Variants in COG5 observed in about 807,000 individuals in gnomAD.
COG5 encodes component of oligomeric golgi complex 5.
A neutral mutation model predicts 110.4 loss-of-function variants in COG5; 86 were observed. The ratio of observed to expected loss-of-function variants is 0.78; its 90% CI spans 0.65 to 0.93. The LOEUF (loss-of-function observed/expected upper bound fraction) is 0.93, where lower values mean the gene tolerates loss of function less well. Ranked by LOEUF, COG5 falls within the 40% of genes least tolerant of loss-of-function variation. The pLI, the probability that COG5 is intolerant of heterozygous loss-of-function variation, is 0.00. For missense variants in COG5, 1,077 were observed against 987.0 expected, an observed-to-expected ratio of 1.09 and a Z score of -1.22; for synonymous variants, 360 against 334.6, an observed-to-expected ratio of 1.08 and a Z score of -0.83.
chr7:107,416,432 CAT>C lies in COG5; in HGVS notation c.539-3802_539-3801del, dbSNP rs376313688. 2.8e-4 allele frequency among the ~76,000 whole-genome samples: 42 copies of C among 151,998 alleles called. No individual in the cohort carries two copies. In the East Asian group the frequency reaches 6.8e-3, roughly 25 times the overall value. ...GCAACAGGTAATTCATACTGAGAAA[CAT>C]AAGACTAAATGATATATTATTTGGG... On this transcript the variant is annotated intron_variant, in intron 6 of 21. Coordinates refer to ENST00000297135, the MANE Select transcript of COG5 (RefSeq NM_006348.5).
intron 7 of COG5, among the ~76,000 whole-genome samples, chr7:107,396,829 G>A (rs1791051592): frequency 6.6e-6 from 1 of 151,978 alleles, no homozygotes; most frequent in African/African-American, 2.4e-5. Context: ...ATATTAAAAG[G>A]AAACTATTGA....
At chr7:107,561,383 C>A (rs150302961) in intron 1 of COG5, among the ~76,000 whole-genome samples, 1 of 152,160 alleles carries the variant, frequency 6.6e-6, no homozygotes, top group Non-Finnish European at 1.5e-5. Context: ...ACAGAGACCG[C>A]TTAATTCAGA....
chr7:107,205,847 G>C (rs1333185319), intron 21 of COG5, among the ~76,000 whole-genome samples: 2 of 151,890 alleles, frequency 1.3e-5, no homozygotes, highest in Non-Finnish European at 2.9e-5. Context: ...AGTAGGATCC[G>C]GCACTTTGGA....
At chr7:107,373,678 G>T (rs1049565725) in intron 7 of COG5, among the ~76,000 whole-genome samples, 1 of 152,104 alleles carries the variant, frequency 6.6e-6, no homozygotes, top group Non-Finnish European at 1.5e-5. Context: ...TGTCCAGAGT[G>T]ATATAAATGG....
intron 13 of COG5, among the ~76,000 whole-genome samples, chr7:107,282,107 T>C (rs1035835388): frequency 1.3e-5 from 2 of 152,074 alleles, no homozygotes; most frequent in South Asian, 2.1e-4. Flanking sequence ...AAGAAAATTA[T>C]TGTCCCTAAA....
At chr7:107,259,604 G>A (rs568053408) in intron 14 of COG5, among the ~76,000 whole-genome samples, 7 of 152,148 alleles carry the variant, frequency 4.6e-5, no homozygotes, top group African/African-American at 1.7e-4. Context: ...GGGGTCAAAT[G>A]CTAAACATAC....
At chr7:107,465,160 CAT>C (rs903448015) in intron 6 of COG5, among the ~76,000 whole-genome samples, 1 of 152,098 alleles carries the variant, frequency 6.6e-6, no homozygotes, top group Non-Finnish European at 1.5e-5. Flanking sequence ...GTAAGTCTCA[CAT>C]GTTTCAGGAA....
chr7:107,417,854 A>G (rs902596761), intron 6 of COG5, among the ~76,000 whole-genome samples: 19 of 152,016 alleles, frequency 1.2e-4, no homozygotes, highest in African/African-American at 4.3e-4. Flanking sequence ...TTTTGTCTTA[A>G]ATCCCTTTGT....
intron 16 of COG5, among the ~76,000 whole-genome samples, chr7:107,252,334 C>CA (rs1312191371): frequency 6.6e-6 from 1 of 152,088 alleles, no homozygotes. Context: ...CACAAAGTAT[C>CA]AAAGCTCATT....
intron 6 of COG5, among the ~76,000 whole-genome samples, chr7:107,479,616 A>C (rs1195368956): frequency 6.6e-6 from 1 of 152,146 alleles, no homozygotes; most frequent in Non-Finnish European, 1.5e-5. Flanking sequence ...CATAAGGAAG[A>C]CCATAAGAAA....
At chr7:107,306,125 C>T (rs963796771) in intron 11 of COG5, among the ~76,000 whole-genome samples, 39 of 152,064 alleles carry the variant, frequency 2.6e-4, no homozygotes, top group East Asian at 1.2e-3. Context: ...TACTTATATA[C>T]TGTAAAGTAT....
At chr7:107,413,081 A>T (rs1792429029) in intron 6 of COG5, among the ~76,000 whole-genome samples, 1 of 152,006 alleles carries the variant, frequency 6.6e-6, no homozygotes, top group African/African-American at 2.4e-5. Flanking sequence ...CACACATGTG[A>T]TTATAGTTCA....
At chr7:107,466,133 A>G (rs1039305374) in intron 6 of COG5, among the ~76,000 whole-genome samples, 7 of 152,168 alleles carry the variant, frequency 4.6e-5, no homozygotes, top group Non-Finnish European at 8.8e-5. Context: ...TGATGAAAAT[A>G]TAAGAGAAAA....
intron 10 of COG5, among the ~76,000 whole-genome samples, chr7:107,343,098 T>C (rs911156866): frequency 2.0e-5 from 3 of 152,170 alleles, no homozygotes; most frequent in African/African-American, 7.2e-5. Context: ...GCCATTATCC[T>C]AAGCAAATTA....
chr7:107,515,158 G>A (rs151056108), intron 6 of COG5, among the ~76,000 whole-genome samples: 15 of 152,138 alleles, frequency 9.9e-5, no homozygotes, highest in Admixed American at 9.8e-4. Flanking sequence ...GGTATGGTCT[G>A]GTTACTTTAT....
intron 12 of COG5, among the ~76,000 whole-genome samples, chr7:107,287,464 C>T (rs1805737560): frequency 6.6e-6 from 1 of 152,124 alleles, no homozygotes; most frequent in Non-Finnish European, 1.5e-5. Flanking sequence ...TCGAATCTGA[C>T]AACTTTCATA....
At chr7:107,298,422 G>A in intron 11 of COG5, 76 bp from the exon 12 acceptor site, 13 of 1,240,718 alleles carry the variant, frequency 1.0e-5, no homozygotes, top group Non-Finnish European at 1.5e-5. Context: ...ATGAAGATAT[G>A]TTCCAAATAA....
intron 6 of COG5, among the ~76,000 whole-genome samples, chr7:107,506,781 C>G (rs922766919): frequency 2.0e-5 from 3 of 152,228 alleles, no homozygotes; most frequent in Non-Finnish European, 4.4e-5. Context: ...AGCTGGGGCA[C>G]CCAGCTCCCT....
intron 21 of COG5, among the ~76,000 whole-genome samples, chr7:107,206,743 C>T (rs1332123309): frequency 6.6e-6 from 1 of 151,716 alleles, no homozygotes; most frequent in Non-Finnish European, 1.5e-5. Context: ...TAGAAGAGAT[C>T]AGAAATGAGT....
Sources: allele counts gnomAD v4.1 joint callset (sites outside exome capture counted in the v4.1 genomes callset), GRCh38; gene constraint gnomAD v4.1.1; transcripts MANE v1.5; gene names NCBI Gene and HGNC (gene_info 2026-07-23, HGNC 2026-07-21).